SHQ1: variants seen among roughly 807,000 people sequenced by gnomAD.
SHQ1 encodes SHQ1, H/ACA ribonucleoprotein assembly factor, also known as protein SHQ1 homolog.
SHQ1 carries 49 observed loss-of-function variants against 53.8 expected under a neutral mutation model. The observed-to-expected ratio is 0.91, with a 90% confidence interval of 0.72 to 1.16. SHQ1 has a LOEUF of 1.16. Among genes scored for constraint, SHQ1 ranks in the 50% most tolerant of loss-of-function variants. SHQ1 has a pLI of 0.00. For synonymous variants in SHQ1, 243 were observed against 251.0 expected (o/e 0.97, Z 0.30); for missense variants, 738 against 683.1 (o/e 1.08, Z -0.90).
Position 72,770,526 on chromosome 3 carries a change from C to T in SHQ1, c.1182-19690G>A, listed in dbSNP as rs149198847. Among the ~76,000 whole-genome samples, 15 of 152,142 alleles carry T rather than the reference C, an allele frequency of 9.9e-5. No individual in the cohort carries two copies. The East Asian group carries it at 2.9e-3, about 29-fold the overall frequency. Reference sequence around the variant, plus strand: ...AGTTCCAGGAAGGAGTTTGCTTTTGCCAGTTTCACCAAGGGCTGTCAGTTT... The same window carrying T: ...AGTTCCAGGAAGGAGTTTGCTTTTGTCAGTTTCACCAAGGGCTGTCAGTTT... On this transcript the variant is annotated intron_variant, in intron 10 of 10. Transcript: ENST00000325599.
At chr3:72,784,331 T>C (rs151322116) in intron 10 of SHQ1, among the ~76,000 whole-genome samples, 15 of 152,318 alleles carry the variant, frequency 9.8e-5, no homozygotes, top group African/African-American at 3.6e-4. Context: ...TGTGATTTAT[T>C]GGCACATTTC....
intron 10 of SHQ1, among the ~76,000 whole-genome samples, chr3:72,764,695 C>G (rs1182105035): frequency 1.3e-5 from 2 of 152,220 alleles, no homozygotes; most frequent in Non-Finnish European, 2.9e-5. Flanking sequence ...CTTAGAAATG[C>G]AGAATCTCAG....
intron 5 of SHQ1, among the ~76,000 whole-genome samples, chr3:72,828,912 G>A (rs1707748485): frequency 6.6e-6 from 1 of 152,046 alleles, no homozygotes. Flanking sequence ...TTTTCAGCAC[G>A]TAAGACATCA....
chr3:72,740,433 A>C, the SHQ1 span, among the ~76,000 whole-genome samples: 1 of 152,218 alleles, frequency 6.6e-6, no homozygotes, highest in African/African-American at 2.4e-5. Context: ...GAAACAGGAG[A>C]TAGGGCCTTT....
At chr3:72,759,260 C>G (rs1466240960) in intron 10 of SHQ1, among the ~76,000 whole-genome samples, 2 of 152,298 alleles carry the variant, frequency 1.3e-5, no homozygotes, top group South Asian at 2.1e-4. Context: ...CAGGGCATCA[C>G]TATAACACAG....
intron 6 of SHQ1, among the ~76,000 whole-genome samples, chr3:72,823,423 G>A (rs1052397654): frequency 6.6e-6 from 1 of 152,108 alleles, no homozygotes; most frequent in African/African-American, 2.4e-5. Context: ...ATGCATTAGA[G>A]ACCCTGTAGC....
At chr3:72,776,787 T>C (rs566087207) in intron 10 of SHQ1, among the ~76,000 whole-genome samples, 2 of 152,292 alleles carry the variant, frequency 1.3e-5, no homozygotes, top group South Asian at 2.1e-4. Flanking sequence ...ATGTTTTTCA[T>C]GGAACTTGAC....
chr3:72,796,500 A>T (rs1444717542), intron 9 of SHQ1, among the ~76,000 whole-genome samples: 2 of 152,166 alleles, frequency 1.3e-5, no homozygotes, highest in African/African-American at 2.4e-5. Context: ...CTATCACAAA[A>T]AAAATAAGAA....
At position 72,832,454 on chromosome 3, in the gene SHQ1, T is replaced by C. The variant is rs1304933058; in HGVS notation, c.514A>G (p.Lys172Glu). 1 of 1,612,290 alleles carries C rather than the reference T, an allele frequency of 6.2e-7. No individual in the cohort carries two copies. The highest frequency in any genetic ancestry group is 8.5e-7 in the Non-Finnish European group (1 of 1,179,578). Residue 172 changes from lysine (K) to glutamate (E), a missense_variant, in exon 5 of 11, where the codon AAG becomes GAG. Lys to Glu is a moderately conservative substitution (Grantham distance 56). Transcript: ENST00000325599. ...QDELSDVIDIKDPDFTPAAER... is the reference protein window; with the variant it reads ...QDELSDVIDIEDPDFTPAAER... ...GCTGCAGGGGTGAAATCTGGATCCTTAATATCAATAACATCACTCAGTTCA... is the reference window on the plus strand; with the variant it reads ...GCTGCAGGGGTGAAATCTGGATCCTCAATATCAATAACATCACTCAGTTCA...
At position 72,823,684 on chromosome 3, in the gene SHQ1, T is replaced by C. The variant is rs115192770; in HGVS notation, c.727+740A>G. Among the ~76,000 whole-genome samples, 1,286 of 152,312 alleles carry C rather than the reference T, an allele frequency of 8.4e-3. 19 individuals carry two copies. Among genetic ancestry groups the C allele is most frequent in the African/African-American group, 0.03 (1,240 of 41,558 alleles). On this transcript the variant is annotated intron_variant, in intron 6 of 10. Transcript: ENST00000325599. ...AACCGGGTATACGTGAGTCTATGTG[T>C]AGACATTTCTTAAAGCGACTGTTTA... is the stretch of plus-strand genomic sequence containing the variant.
intron 4 of SHQ1, 24 bp downstream of exon 4, chr3:72,841,021 A>G (rs1708163648): frequency 1.3e-6 from 2 of 1,591,934 alleles, no homozygotes; most frequent in Non-Finnish European, 1.7e-6. Context: ...CTATAGATCA[A>G]GATCTTTCAG....
the SHQ1 span, among the ~76,000 whole-genome samples, chr3:72,743,606 G>A: frequency 1.3e-5 from 2 of 152,182 alleles, no homozygotes; most frequent in Non-Finnish European, 2.9e-5. Flanking sequence ...AAGGCAACAC[G>A]GCCGATGCTA....
intron 2 of SHQ1, among the ~76,000 whole-genome samples, chr3:72,843,413 T>C (rs1708237545): frequency 6.6e-6 from 1 of 152,226 alleles, no homozygotes; most frequent in Non-Finnish European, 1.5e-5. Flanking sequence ...AAAGTCTATG[T>C]ACTTCTTTTC....
At chr3:72,737,652 T>G in the SHQ1 span, among the ~76,000 whole-genome samples, 6 of 152,356 alleles carry the variant, frequency 3.9e-5, no homozygotes, top group Admixed American at 6.5e-5. Flanking sequence ...AGATTACTTA[T>G]AATACCTAAT....
intron 10 of SHQ1, among the ~76,000 whole-genome samples, chr3:72,753,884 T>G (rs998820608): frequency 1.3e-5 from 2 of 152,142 alleles, no homozygotes; most frequent in Non-Finnish European, 1.5e-5. Flanking sequence ...TGGTAAAGGA[T>G]TCAGTCTGAG....
At chr3:72,830,030 T>A (rs1297742838) in intron 5 of SHQ1, among the ~76,000 whole-genome samples, 1 of 144,408 alleles carries the variant, frequency 6.9e-6, no homozygotes, top group Non-Finnish European at 1.5e-5. Flanking sequence ...GAATTACAAA[T>A]AAGAAATGGA....
intron 6 of SHQ1, 115 bp from the exon 7 acceptor site, chr3:72,817,499 T>C (rs993032766): frequency 5.2e-6 from 5 of 961,424 alleles, no homozygotes; most frequent in Non-Finnish European, 7.6e-6. Context: ...AAGTTCTTTC[T>C]ACTTAACTAT....
rs865980391 is a variant in SHQ1, at chr3:72,772,862, G to C, written c.1181+20054C>G. On this transcript the variant is annotated intron_variant, in intron 10 of 10. Coordinates refer to ENST00000325599, the MANE Select transcript of SHQ1 (RefSeq NM_018130.3). Reference sequence around the variant, plus strand: ...ATATCTAAAGTTGCCCCATCAAAATGGGAAGCTGTGGACAAATCTGAATTG... The same window carrying C: ...ATATCTAAAGTTGCCCCATCAAAATCGGAAGCTGTGGACAAATCTGAATTG... The C allele has an allele frequency of 2.7e-5, 21 of 776,722 alleles. No homozygotes were observed. In the African/African-American group the frequency reaches 3.2e-4, roughly 12 times the overall value. The allele number at this position is 776,722 out of a possible 1,614,324, so 48.1% of individuals were successfully genotyped here.
intron 10 of SHQ1, among the ~76,000 whole-genome samples, chr3:72,791,548 C>A (rs1706437600): frequency 6.6e-6 from 1 of 152,166 alleles, no homozygotes; most frequent in South Asian, 2.1e-4. Flanking sequence ...TATAATGGCT[C>A]ATTCAAAACA....
Sources: allele counts gnomAD v4.1 joint callset (sites outside exome capture counted in the v4.1 genomes callset), GRCh38; gene constraint gnomAD v4.1.1; transcripts MANE v1.5; gene names NCBI Gene and HGNC (gene_info 2026-07-23, HGNC 2026-07-21).